ERO1B: variants seen among roughly 807,000 people sequenced by gnomAD.
ERO1B encodes the protein ERO1-like protein beta.
ERO1B carries 49 observed loss-of-function variants against 75.3 expected under a neutral mutation model. The ratio of observed to expected loss-of-function variants is 0.65; its 90% CI spans 0.52 to 0.83. The LOEUF is 0.83. ERO1B is among the 40% of genes least tolerant of loss of function. ERO1B has a pLI of 0.00. For missense variants in ERO1B, 512 were observed against 560.1 expected, an observed-to-expected ratio of 0.91 and a Z score of 0.87; for synonymous variants, 191 against 192.9, an observed-to-expected ratio of 0.99 and a Z score of 0.08.
chr1:236,249,558 TATTTA>T (rs1664966260), intron 5 of ERO1B, among the ~76,000 whole-genome samples: 1 of 152,176 alleles, frequency 6.6e-6, no homozygotes, highest in Non-Finnish European at 1.5e-5. Flanking sequence ...ACTCAATCAC[TATTTA>T]AAAAGATTTA....
intron 6 of ERO1B, among the ~76,000 whole-genome samples, chr1:236,241,504 T>C (rs533488177): frequency 7.2e-5 from 11 of 151,822 alleles, no homozygotes; most frequent in East Asian, 2.0e-4. Flanking sequence ...GATTGTGCCA[T>C]TGCACTCCAG....
intron 6 of ERO1B, among the ~76,000 whole-genome samples, chr1:236,241,462 T>G (rs1266644332): frequency 6.6e-6 from 1 of 151,838 alleles, no homozygotes; most frequent in Non-Finnish European, 1.5e-5. Flanking sequence ...GCAGAATTGC[T>G]TGAACCTAGG....
chr1:236,228,524 A>G (rs1664328454), intron 10 of ERO1B, among the ~76,000 whole-genome samples: 1 of 152,226 alleles, frequency 6.6e-6, no homozygotes. Flanking sequence ...CCAAGGCAGA[A>G]TCCACCAACT....
rs1013247648 is a variant in ERO1B, at chr1:236,264,376, C to T, written c.222+5499G>A. Among the ~76,000 whole-genome samples the T allele has an allele frequency of 3.9e-5, 6 of 151,942 alleles. No individual in the cohort carries two copies. In the East Asian group the frequency reaches 5.8e-4, roughly 15 times the overall value. On this transcript the variant is annotated intron_variant, in intron 2 of 15. Coordinates refer to ENST00000354619, the MANE Select transcript of ERO1B (RefSeq NM_019891.4). ...CACTTGCCTCAGCCTCCCAGCGTGC[C>T]GGGATTACAGGCAGAAGCCACCATG...
At chr1:236,219,587 T>C (rs529853898) in intron 15 of ERO1B, among the ~76,000 whole-genome samples, 7 of 152,330 alleles carry the variant, frequency 4.6e-5, no homozygotes, top group Admixed American at 6.5e-5. Flanking sequence ...GTTATCTTTC[T>C]ACAGGCCTCA....
chr1:236,274,848 A>G (rs1396441531), intron 1 of ERO1B, among the ~76,000 whole-genome samples: 1 of 152,230 alleles, frequency 6.6e-6, no homozygotes, highest in Non-Finnish European at 1.5e-5. Context: ...GTCAGATGGT[A>G]ATAAAGTGAT....
rs936815613 is a variant in ERO1B at position 236,227,335 on chromosome 1, G to A, written c.713-596C>T. On this transcript the variant is annotated intron_variant, in intron 10 of 15. Coordinates refer to ENST00000354619, the MANE Select transcript of ERO1B (RefSeq NM_019891.4). Reference sequence around the variant, plus strand: ...GTGGAGTACAGGAATATAACAGAACGTTATTTGATGTAGCCTTCTTAAGCC... The same window carrying A: ...GTGGAGTACAGGAATATAACAGAACATTATTTGATGTAGCCTTCTTAAGCC... 5.9e-5 allele frequency among the ~76,000 whole-genome samples: 9 copies of A among 152,242 alleles called. No individual in the cohort carries two copies. In the South Asian group the frequency reaches 1.0e-3, roughly 18 times the overall value.
intron 2 of ERO1B, among the ~76,000 whole-genome samples, chr1:236,256,933 A>C (rs1191980046): frequency 2.6e-5 from 4 of 152,194 alleles, no homozygotes; most frequent in Admixed American, 2.6e-4. Flanking sequence ...AAAAGTCACC[A>C]GTTAGATCAA....
intron 10 of ERO1B, among the ~76,000 whole-genome samples, chr1:236,227,782 GAAGCACGTGGCCTCTAACT>G (rs1664313106): frequency 6.6e-6 from 1 of 152,102 alleles, no homozygotes; most frequent in African/African-American, 2.4e-5. Context: ...AGATGATTCT[GAAGCACGTGGCCTCTAACT>G]AGAAAAAATA....
intron 1 of ERO1B, among the ~76,000 whole-genome samples, chr1:236,270,368 A>C (rs1665563050): frequency 6.6e-6 from 1 of 152,194 alleles, no homozygotes; most frequent in Admixed American, 6.5e-5. Context: ...TCTTTCCTTT[A>C]GGTGGCCATT....
At chr1:236,275,167 C>T (rs1665683615) in intron 1 of ERO1B, among the ~76,000 whole-genome samples, 1 of 152,192 alleles carries the variant, frequency 6.6e-6, no homozygotes, top group Non-Finnish European at 1.5e-5. Context: ...CTGAGACCAA[C>T]TGGGTGGTGT....
intron 9 of ERO1B, among the ~76,000 whole-genome samples, chr1:236,231,828 C>A (rs1664416127): frequency 6.6e-6 from 1 of 152,146 alleles, no homozygotes; most frequent in Non-Finnish European, 1.5e-5. Context: ...ATCATTATAT[C>A]ACTTGTGATT....
chr1:236,261,092 T>C (rs963595626), intron 2 of ERO1B, among the ~76,000 whole-genome samples: 1 of 152,086 alleles, frequency 6.6e-6, no homozygotes, highest in Non-Finnish European at 1.5e-5. Context: ...AGAAAAAACA[T>C]ATGACAAAAT....
intron 14 of ERO1B, among the ~76,000 whole-genome samples, chr1:236,221,198 T>A (rs1289714682): frequency 6.6e-6 from 1 of 152,194 alleles, no homozygotes; most frequent in Non-Finnish European, 1.5e-5. Flanking sequence ...CATATCATAC[T>A]ATTCCAAATT....
chr1:236,230,250 C>T lies in ERO1B; in HGVS notation c.686G>A (p.Gly229Glu), dbSNP rs898308029. Residue 229 changes from glycine (G) to glutamate (E), a missense_variant and splice_region_variant, in exon 10 of 16, where the codon GGA becomes GAA. Physicochemically the swap from Gly to Glu is moderately conservative, Grantham distance 98. Coordinates refer to ENST00000354619, the MANE Select transcript of ERO1B (RefSeq NM_019891.4). ...PLAPSRGEDD[G>E]ESFYTWLEGL... ...TTCTAGCCATGTGTAGAATGATTCT[C>T]CTGAGAGAGAGAGAAAAGTGGATTA... is the stretch of plus-strand genomic sequence containing the variant. 2.5e-6 allele frequency: 4 copies of T among 1,591,770 alleles called. No homozygotes were observed. Among genetic ancestry groups the T allele is most frequent in the Non-Finnish European group, 3.4e-6 (4 of 1,162,176 alleles).
At chr1:236,281,658 C>T (rs1259785148) in intron 1 of ERO1B, 24 bp downstream of exon 1, 1 of 1,393,418 alleles carries the variant, frequency 7.2e-7, no homozygotes, top group Non-Finnish European at 9.4e-7. Context: ...CGGGGGTTCC[C>T]GGCCCGCTAT....
At chr1:236,246,198 C>T (rs1260746648) in intron 5 of ERO1B, among the ~76,000 whole-genome samples, 1 of 152,010 alleles carries the variant, frequency 6.6e-6, no homozygotes, top group East Asian at 1.9e-4. Context: ...TAGTGTCTCA[C>T]TTTGTCACTC....
Position 236,236,309 on chromosome 1 carries a change from A to G in ERO1B, c.595T>C (p.Trp199Arg), listed in dbSNP as rs1372085901. ...CAGTTCTCTTCATAGATGCTGTTCC[A>G]CACTCTCCATGCAGAGGTCCCTTTA... is the stretch of plus-strand genomic sequence containing the variant. Reference protein sequence around the residue: ...GYKGTSAWRVWNSIYEENCFK... With the variant: ...GYKGTSAWRVRNSIYEENCFK... The change falls in exon 7 of 16, where the codon TGG (tryptophan) becomes CGG (arginine). Residue 199 changes from tryptophan to arginine, a missense_variant. Coordinates refer to ENST00000354619, the MANE Select transcript of ERO1B (RefSeq NM_019891.4). The G allele has an allele frequency of 6.2e-7, 1 of 1,612,082 alleles. No homozygotes were observed. Among genetic ancestry groups the G allele is most frequent in the East Asian group, 2.2e-5 (1 of 44,790 alleles).
chr1:236,260,218 C>T (rs1354483412), intron 2 of ERO1B, among the ~76,000 whole-genome samples: 1 of 152,086 alleles, frequency 6.6e-6, no homozygotes, highest in East Asian at 1.9e-4. Context: ...CTAATCACGA[C>T]TATGTTCCAA....
Sources: gnomAD v4.1 joint callset for allele counts (sites outside exome capture counted in the v4.1 genomes callset) on GRCh38, gnomAD v4.1.1 for gene constraint, MANE v1.5 for transcripts, NCBI Gene and HGNC (gene_info 2026-07-23, HGNC 2026-07-21) for gene names.